The following METTL9 variants were observed in gnomAD, a reference collection of about 807,000 sequenced individuals.
METTL9 encodes methyltransferase 9, His-X-His N1(pi)-histidine.
In METTL9, 10 loss-of-function variants were observed where a neutral mutation model predicts 36.0. The observed-to-expected ratio is 0.28, with a 90% CI of 0.17 to 0.47. The LOEUF (loss-of-function observed/expected upper bound fraction) is 0.47. Among genes scored for constraint, METTL9 ranks in the 20% least tolerant of loss-of-function variants. The pLI is 0.99. For synonymous variants in METTL9, 175 were observed against 149.7 expected, an observed-to-expected ratio of 1.17 and a Z score of -1.23; for missense variants, 246 against 383.5, an observed-to-expected ratio of 0.64 and a Z score of 3.00.
chr16:21,647,016 G>A (rs1966445506), intron 4 of METTL9: 2 of 1,333,628 alleles, frequency 1.5e-6, no homozygotes, highest in East Asian at 2.3e-5. Flanking sequence ...ACCCATCACT[G>A]GCTAGGGTAT....
At chr16:21,597,376 T>A, upstream of METTL9, 1 of 967,164 alleles carries the variant, frequency 1.0e-6, no homozygotes, top group Non-Finnish European at 1.4e-6. Flanking sequence ...TTCCTGTGCC[T>A]GCTAAATGTA....
Position 21,652,230 on chromosome 16 carries a change from A to G in METTL9, c.752-2997A>G, listed in dbSNP as rs1394821710. On this transcript the variant is annotated intron_variant, in intron 4 of 4. Transcript: ENST00000358154. The stretch of plus-strand genomic sequence containing the variant: ...CTTTCTATGTGCAGATCAAGTTTGT[A>G]TGATAATTAAATTATTGATAACTTA... 2.1e-5 allele frequency: 5 copies of G among 234,314 alleles called. No individual in the cohort carries two copies. The East Asian group carries it at 4.3e-4, about 20-fold the overall frequency. 14.5% of individuals were successfully genotyped at this position (234,314 alleles called of 1,614,324 possible).
chr16:21,613,168 C>CA (rs1965471017), intron 2 of METTL9, among the ~76,000 whole-genome samples: 1 of 91,440 alleles, frequency 1.1e-5, no homozygotes, highest in Non-Finnish European at 2.0e-5. Context: ...TGAGAGTCTG[C>CA]TTTTTTTTTT....
chr16:21,651,935 T>A (rs1436789116), intron 4 of METTL9: 1 of 152,104 alleles, frequency 6.6e-6, no homozygotes, highest in Non-Finnish European at 1.5e-5. Flanking sequence ...CCATTAACAT[T>A]TTGATATATT....
upstream of METTL9, among the ~76,000 whole-genome samples, chr16:21,597,576 A>G (rs1296642005): frequency 6.6e-6 from 1 of 152,182 alleles, no homozygotes; most frequent in African/African-American, 2.4e-5. Flanking sequence ...TTCATCTGAT[A>G]ACATTTTGCA....
chr16:21,629,299 G>A (rs1204530104), intron 4 of METTL9, among the ~76,000 whole-genome samples: 1 of 152,142 alleles, frequency 6.6e-6, no homozygotes, highest in Non-Finnish European at 1.5e-5. Context: ...GATTAGATGA[G>A]ATCATGAGAG....
chr16:21,608,080 C>A (rs1965336275), intron 1 of METTL9, among the ~76,000 whole-genome samples: 1 of 151,910 alleles, frequency 6.6e-6, no homozygotes, highest in African/African-American at 2.4e-5. Context: ...ACCCGGCAGG[C>A]AGAGGTTGCA....
intron 4 of METTL9, chr16:21,626,827 C>G: frequency 1.9e-6 from 1 of 528,040 alleles, no homozygotes; most frequent in Non-Finnish European, 2.4e-6. Flanking sequence ...GTTGGGCAAC[C>G]GCATGATAGA....
chr16:21,637,749 A>T (rs1966141319), intron 4 of METTL9, among the ~76,000 whole-genome samples: 1 of 152,114 alleles, frequency 6.6e-6, no homozygotes, highest in Non-Finnish European at 1.5e-5. Context: ...CTCTCCCTCC[A>T]CACTTCCCCG....
chr16:21,607,114 G>A (rs896458861), intron 1 of METTL9, among the ~76,000 whole-genome samples: 2 of 148,782 alleles, frequency 1.3e-5, no homozygotes, highest in East Asian at 2.0e-4. Context: ...TTGCTTTGTC[G>A]CCCAGGCTGG....
chr16:21,631,824 A>G (rs1965969726), intron 4 of METTL9, among the ~76,000 whole-genome samples: 1 of 152,212 alleles, frequency 6.6e-6, no homozygotes, highest in Non-Finnish European at 1.5e-5. Flanking sequence ...GAAGACCTTC[A>G]ATTATCAATT....
chr16:21,649,974 G>T (rs1966525707), intron 4 of METTL9, among the ~76,000 whole-genome samples: 1 of 152,120 alleles, frequency 6.6e-6, no homozygotes, highest in South Asian at 2.1e-4. Flanking sequence ...CTTCCAAATT[G>T]GGTAGTGTTT....
At position 21,625,225 on chromosome 16, in the gene METTL9, G is replaced by A. The variant is rs141218703; in HGVS notation, c.751+110G>A. 38 of 1,189,130 alleles carry A rather than the reference G, an allele frequency of 3.2e-5. No individual in the cohort carries two copies. In the Admixed American group the frequency reaches 3.6e-4, roughly 11 times the overall value. 73.7% of individuals were successfully genotyped at this position (1,189,130 alleles called of 1,614,324 possible). On this transcript the variant is annotated intron_variant, in intron 4 of 4. Transcript: ENST00000358154. ...TGTCTAGTATGTCTTATAATAGCCT[G>A]CAGTTTAAAGTAATCCAGTTAATCC...
chr16:21,631,206 A>G (rs1015476228), intron 4 of METTL9, among the ~76,000 whole-genome samples: 9 of 152,186 alleles, frequency 5.9e-5, no homozygotes, highest in Admixed American at 1.3e-4. Context: ...TCCTAACCCT[A>G]TAAATAGGGG....
rs368317919 is a variant in METTL9 at position 21,643,623 on chromosome 16, A to G, written c.752-11604A>G. ...ACTGCCAAGAAGAGAAGGAAAGTCTATGAAACATTTTATGTACTCATAACA... is the reference window on the plus strand; with the variant it reads ...ACTGCCAAGAAGAGAAGGAAAGTCTGTGAAACATTTTATGTACTCATAACA... On this transcript the variant is annotated intron_variant, in intron 4 of 4. Coordinates refer to ENST00000358154, the MANE Select transcript of METTL9 (RefSeq NM_016025.5). 8.2e-4 allele frequency: 1,269 copies of G among 1,547,958 alleles called. 2 individuals are homozygous for G. The highest frequency in any genetic ancestry group is 1.1e-3 in the Admixed American group (61 of 56,996).
chr16:21,651,014 G>A (rs918605114), intron 4 of METTL9, among the ~76,000 whole-genome samples: 1 of 152,200 alleles, frequency 6.6e-6, no homozygotes, highest in African/African-American at 2.4e-5. Context: ...ACGAGGTCAG[G>A]AGATCGAGAC....
intron 4 of METTL9, among the ~76,000 whole-genome samples, chr16:21,635,989 CTG>C (rs1406028786): frequency 6.6e-6 from 1 of 152,150 alleles, no homozygotes; most frequent in East Asian, 1.9e-4. Flanking sequence ...ACCACAAAGA[CTG>C]AGAAAAATTG....
At chr16:21,638,510 A>T (rs1262677439) in intron 4 of METTL9, among the ~76,000 whole-genome samples, 1 of 152,204 alleles carries the variant, frequency 6.6e-6, no homozygotes. Context: ...GTTCAATTGC[A>T]TTTATAGAAG....
In METTL9 at chr16:21,655,441, A is replaced by G. The variant is rs368260599; in HGVS notation, c.*9A>G. The stretch of plus-strand genomic sequence containing the variant: ...TTCTCAAACCAGTATAAACACGTGG[A>G]GGTCGAAGTCTTCAGAGTCCGCACC... On this transcript the variant is annotated 3_prime_UTR_variant, in exon 5 of 5. Coordinates refer to ENST00000358154, the MANE Select transcript of METTL9 (RefSeq NM_016025.5). The G allele has an allele frequency of 9.3e-6, 15 of 1,611,328 alleles. No homozygotes were observed. The highest frequency in any genetic ancestry group is 1.2e-5 in the Non-Finnish European group (14 of 1,178,016).
Sources: allele counts gnomAD v4.1 joint callset (sites outside exome capture counted in the v4.1 genomes callset), GRCh38; gene constraint gnomAD v4.1.1; transcripts MANE v1.5; gene names NCBI Gene and HGNC (gene_info 2026-07-23, HGNC 2026-07-21).